Variants in DYSF observed in about 807,000 individuals in gnomAD.
The protein encoded by DYSF is dysferlin, also known as dystrophy-associated fer-1-like 1.
Under a neutral mutation model 274.9 loss-of-function variants are expected in DYSF, and 212 were observed. The ratio of observed to expected loss-of-function variants is 0.77; its 90% CI spans 0.69 to 0.86. The LOEUF (loss-of-function observed/expected upper bound fraction) is 0.86, where lower values mean the gene tolerates loss of function less well. DYSF is among the 40% of genes least tolerant of loss of function. DYSF has a pLI of 0.00. For synonymous variants in DYSF, 1,091 were observed against 1,078.7 expected, an observed-to-expected ratio of 1.01 and a Z score of -0.22; for missense variants, 2,666 against 2,783.2, an observed-to-expected ratio of 0.96 and a Z score of 0.95.
At chr2:71,526,171 C>T (rs980461052) in intron 12 of DYSF, 49 bp from the exon 13 acceptor site, 2 of 1,613,926 alleles carry the variant, frequency 1.2e-6, no homozygotes, top group Non-Finnish European at 1.7e-6. Context: ...GAAAGTAAAA[C>T]CCTGTGCTCA....
At chr2:71,490,435 G>A (rs989150499) in intron 3 of DYSF, among the ~76,000 whole-genome samples, 2 of 152,146 alleles carry the variant, frequency 1.3e-5, no homozygotes, top group Non-Finnish European at 1.5e-5. Context: ...CGCCTCCCGG[G>A]TTCAAGTGAT....
chr2:71,681,667 T>G (rs562649246), intron 54 of DYSF, among the ~76,000 whole-genome samples: 5 of 152,308 alleles, frequency 3.3e-5, no homozygotes. Context: ...ATCACAGACC[T>G]CTTGGGGAGA....
chr2:71,490,607 G>A (rs572893169), intron 3 of DYSF, among the ~76,000 whole-genome samples: 8 of 152,212 alleles, frequency 5.3e-5, no homozygotes, highest in Non-Finnish European at 1.0e-4. Context: ...GATTACAGGC[G>A]TGAGCCACTG....
At chr2:71,562,020 G>A (rs949417594) in intron 23 of DYSF, 76 bp downstream of exon 23, 18 of 1,548,024 alleles carry the variant, frequency 1.2e-5, no homozygotes, top group East Asian at 7.2e-5. Flanking sequence ...GGGACAAGGC[G>A]AATGTCTGGA....
chr2:71,622,135 T>TTTTTTTTTTTTTTTTTTTTTTTTTTG (rs1558651860), intron 41 of DYSF, among the ~76,000 whole-genome samples: 1 of 138,612 alleles, frequency 7.2e-6, no homozygotes, highest in Non-Finnish European at 1.6e-5. Flanking sequence ...TCTTTGTTTT[T>TTTTTTTTTTTTTTTTTTTTTTTTTTG]TTTTTTTTTT....
intron 10 of DYSF, among the ~76,000 whole-genome samples, chr2:71,519,047 C>T (rs1292609666): frequency 4.3e-5 from 6 of 138,050 alleles, no homozygotes; most frequent in African/African-American, 1.7e-4. Context: ...GAGCCAAGAT[C>T]GCACCATTGC....
intron 17 of DYSF, among the ~76,000 whole-genome samples, chr2:71,545,429 C>T (rs1220298622): frequency 5.3e-5 from 8 of 152,182 alleles, no homozygotes; most frequent in African/African-American, 1.9e-4. Flanking sequence ...CTTCCTCTTC[C>T]TGCCCCAGCC....
chr2:71,537,470 TC>T (rs1456707379), intron 16 of DYSF, among the ~76,000 whole-genome samples: 2 of 152,098 alleles, frequency 1.3e-5, no homozygotes, highest in Non-Finnish European at 2.9e-5. Context: ...GGTCTTGAAC[TC>T]CTGATCTCAG....
rs2093813084 is a variant in DYSF, at chr2:71,613,429, A to G, written c.4464+19A>G. The stretch of plus-strand genomic sequence containing the variant: ...CATCCAGGTAGGATGGGCATCCTCC[A>G]GGGAGGCCTGGGTCACCTTTCCCCT... On this transcript the variant is annotated intron_variant, in intron 40 of 55. Transcript: ENST00000410020. 6.2e-7 allele frequency: 1 copy of G among 1,605,664 alleles called. No homozygotes were observed. The highest frequency in any genetic ancestry group is 1.7e-5 in the Admixed American group (1 of 59,320).
intron 17 of DYSF, among the ~76,000 whole-genome samples, chr2:71,542,375 TTC>T (rs1285951484): frequency 2.3e-5 from 2 of 87,048 alleles, no homozygotes; most frequent in African/African-American, 4.5e-5. Flanking sequence ...TTGTCAAGCC[TTC>T]TTTTTTTTTT....
intron 22 of DYSF, among the ~76,000 whole-genome samples, chr2:71,559,781 G>T (rs1559156943): frequency 6.6e-6 from 1 of 152,370 alleles, no homozygotes; most frequent in East Asian, 1.9e-4. Context: ...CTCAGGTGGG[G>T]ATCTGTTTGC....
chr2:71,467,693 A>G (rs1265424559), intron 1 of DYSF, among the ~76,000 whole-genome samples: 2 of 152,180 alleles, frequency 1.3e-5, no homozygotes, highest in Non-Finnish European at 2.9e-5. Flanking sequence ...AATTAAGAGA[A>G]GGAACAATAG....
At chr2:71,528,463 G>A (rs2088233087) in intron 14 of DYSF, 62 bp downstream of exon 14, 1 of 1,415,446 alleles carries the variant, frequency 7.1e-7, no homozygotes, top group African/African-American at 1.4e-5. Flanking sequence ...CCTGTGGACT[G>A]TGCCGGGTGA....
At chr2:71,636,429 C>T (rs568889464) in intron 41 of DYSF, among the ~76,000 whole-genome samples, 1 of 152,032 alleles carries the variant, frequency 6.6e-6, no homozygotes, top group East Asian at 1.9e-4. Context: ...GAGGTAGTGC[C>T]AGCATGAGTG....
chr2:71,615,271 G>C lies in DYSF; in HGVS notation c.4464+1861G>C, dbSNP rs1337136535. 6.6e-6 allele frequency among the ~76,000 whole-genome samples: 1 copy of C among 152,120 alleles called. No individual in the cohort carries two copies. The highest frequency in any genetic ancestry group is 2.4e-5 in the African/African-American group (1 of 41,426). ...TGGGAGCACACGGCCACTCTGGCTAGAGCTGCTGGCCAGACCAGCAGCACT... is the reference window on the plus strand; with the variant it reads ...TGGGAGCACACGGCCACTCTGGCTACAGCTGCTGGCCAGACCAGCAGCACT... On this transcript the variant is annotated intron_variant, in intron 40 of 55. Coordinates refer to ENST00000410020, the MANE Select transcript of DYSF (RefSeq NM_001130987.2). The surrounding 1 kb of genome is among the most constrained non-coding windows in gnomAD (Gnocchi z 4.9).
Position 71,659,164 on chromosome 2 carries a change from A to T in DYSF, c.4911+131A>T, listed in dbSNP as rs1263723443. On this transcript the variant is annotated intron_variant, in intron 44 of 55. Coordinates refer to ENST00000410020, the MANE Select transcript of DYSF (RefSeq NM_001130987.2). ...GGAAACAGACAAACACACAAAACTG[A>T]GAGGTGCCTGGATGGAGTTGTGTTA... is the stretch of plus-strand genomic sequence containing the variant. The T allele has an allele frequency of 1.5e-5, 19 of 1,274,256 alleles. No homozygotes were observed. The East Asian group carries it at 4.2e-4, about 28-fold the overall frequency. 78.9% of individuals were successfully genotyped at this position (1,274,256 alleles called of 1,614,324 possible). A position where few individuals can be genotyped will look rare whatever the true frequency, so the allele number is the denominator to read the frequency against.
At chr2:71,524,037 A>G (rs1055167562) in intron 12 of DYSF, among the ~76,000 whole-genome samples, 20 of 152,114 alleles carry the variant, frequency 1.3e-4, no homozygotes, top group Non-Finnish European at 2.2e-4. Context: ...GTCTGTGGCC[A>G]CACCAGATGA....
chr2:71,477,407 T>A (rs1334136663), intron 1 of DYSF, among the ~76,000 whole-genome samples: 1 of 152,158 alleles, frequency 6.6e-6, no homozygotes, highest in Non-Finnish European at 1.5e-5. Flanking sequence ...CATCTGTAAG[T>A]TGCCGGGCTC....
intron 17 of DYSF, among the ~76,000 whole-genome samples, chr2:71,547,654 TAAAA>T (rs1350458275): frequency 4.6e-5 from 7 of 151,826 alleles, no homozygotes; most frequent in African/African-American, 1.7e-4. Flanking sequence ...AATAAATAAA[TAAAA>T]AGAAAGAAAG....
Sources: allele counts gnomAD v4.1 joint callset (sites outside exome capture counted in the v4.1 genomes callset), GRCh38; gene constraint gnomAD v4.1.1; non-coding constraint Gnocchi (gnomAD v3.1); transcripts MANE v1.5; gene names NCBI Gene and HGNC (gene_info 2026-07-23, HGNC 2026-07-21).